The following PDGFD variants were observed in gnomAD, a reference collection of about 807,000 sequenced individuals.
PDGFD encodes the protein platelet derived growth factor D.
A neutral mutation model predicts 44.7 loss-of-function variants in PDGFD; 30 were observed. The ratio of observed to expected loss-of-function variants is 0.67; its 90% CI spans 0.50 to 0.91. PDGFD has a LOEUF of 0.91. Ranked by LOEUF, PDGFD falls within the 40% of genes least tolerant of loss-of-function variation. The pLI, the probability that PDGFD is intolerant of heterozygous loss-of-function variation, is 0.00. For synonymous variants in PDGFD, 173 were observed against 168.4 expected (o/e 1.03, Z -0.21); for missense variants, 445 against 457.8 (o/e 0.97, Z 0.25).
At position 104,013,667 on chromosome 11, in the gene PDGFD, G is replaced by C. The variant is rs1043573718; in HGVS notation, c.125-13412C>G. ...GAACTGCAAACTGATGAACAGTTTA[G>C]TAGTGACTACTTCAATGGCATACTT... On this transcript the variant is annotated intron_variant, in intron 1 of 6. Coordinates refer to ENST00000393158, the MANE Select transcript of PDGFD (RefSeq NM_025208.5). Among the ~76,000 whole-genome samples, 25 of 152,088 alleles carry C rather than the reference G, an allele frequency of 1.6e-4. 1 individual carries two copies. Among genetic ancestry groups the C allele is most frequent in the African/African-American group, 4.8e-4 (20 of 41,420 alleles).
At chr11:103,921,385 T>C (rs1013137109) in intron 6 of PDGFD, among the ~76,000 whole-genome samples, 6 of 152,214 alleles carry the variant, frequency 3.9e-5, no homozygotes, top group Admixed American at 3.3e-4. Context: ...TTAGGTACTT[T>C]TTTTTCAATA....
intron 3 of PDGFD, among the ~76,000 whole-genome samples, chr11:103,988,444 C>T (rs1307958636): frequency 1.3e-5 from 2 of 151,920 alleles, no homozygotes; most frequent in Non-Finnish European, 2.9e-5. Flanking sequence ...GATCAGCAAC[C>T]AGGGTTTATG....
At chr11:104,009,640 A>G (rs1474923834) in intron 1 of PDGFD, among the ~76,000 whole-genome samples, 2 of 152,116 alleles carry the variant, frequency 1.3e-5, no homozygotes, top group Non-Finnish European at 2.9e-5. Context: ...GGAAGTCCTA[A>G]CTTAAAAATG....
intron 3 of PDGFD, among the ~76,000 whole-genome samples, chr11:103,951,826 T>C (rs1286977432): frequency 6.6e-6 from 1 of 152,248 alleles, no homozygotes; most frequent in East Asian, 1.9e-4. Flanking sequence ...CTTAATTTTC[T>C]TTAAAGCATT....
chr11:104,095,194 A>C (rs1861266189), intron 1 of PDGFD, among the ~76,000 whole-genome samples: 1 of 152,088 alleles, frequency 6.6e-6, no homozygotes, highest in African/African-American at 2.4e-5. Context: ...TCCCTTATTG[A>C]AATATATTTA....
In PDGFD at chr11:104,023,134, T is replaced by G. The variant is rs993528572; in HGVS notation, c.125-22879A>C. 3.9e-5 allele frequency among the ~76,000 whole-genome samples: 6 copies of G among 152,128 alleles called. No individual in the cohort carries two copies. The East Asian group carries it at 5.8e-4, about 15-fold the overall frequency. On this transcript the variant is annotated intron_variant, in intron 1 of 6. Coordinates refer to ENST00000393158, the MANE Select transcript of PDGFD (RefSeq NM_025208.5). Reference sequence around the variant, plus strand: ...CACTTTTTATAGCTTTGTATATAATTAAAAATCTGCTATAACTATGACCTT... The same window carrying G: ...CACTTTTTATAGCTTTGTATATAATGAAAAATCTGCTATAACTATGACCTT...
At chr11:104,004,872 CTT>C (rs33979812) in intron 1 of PDGFD, among the ~76,000 whole-genome samples, 3 of 71,894 alleles carry the variant, frequency 4.2e-5, no homozygotes, top group African/African-American at 5.6e-5. Flanking sequence ...TTATTACCAC[CTT>C]TTTTTTTTTT....
chr11:104,119,154 AT>A (rs1302522349), intron 1 of PDGFD, among the ~76,000 whole-genome samples: 1 of 25,904 alleles, frequency 3.9e-5, no homozygotes, highest in African/African-American at 1.4e-4. Flanking sequence ...AATATAATAT[AT>A]TGATATAACA....
chr11:104,038,029 T>A, intron 1 of PDGFD: 1 of 1,598,640 alleles, frequency 6.3e-7, no homozygotes, highest in Non-Finnish European at 8.6e-7. Context: ...GTTATAAATA[T>A]GTTACCACCT....
intron 1 of PDGFD, among the ~76,000 whole-genome samples, chr11:104,162,790 A>G (rs547568829): frequency 6.6e-6 from 1 of 152,204 alleles, no homozygotes; most frequent in Non-Finnish European, 1.5e-5. Context: ...GAAACTGTGA[A>G]GCCATCAACA....
chr11:103,994,319 A>G (rs531526681), intron 3 of PDGFD, among the ~76,000 whole-genome samples: 6 of 152,328 alleles, frequency 3.9e-5, no homozygotes, highest in South Asian at 4.1e-4. Flanking sequence ...TGCTCCATCC[A>G]TGAATAATTG....
At chr11:104,106,932 T>A (rs549564392) in intron 1 of PDGFD, among the ~76,000 whole-genome samples, 19 of 151,888 alleles carry the variant, frequency 1.3e-4, no homozygotes, top group African/African-American at 4.1e-4. Flanking sequence ...TTAGTAGAGA[T>A]GGGGGTTTCA....
At chr11:104,135,489 C>G (rs1040022134) in intron 1 of PDGFD, among the ~76,000 whole-genome samples, 14 of 152,142 alleles carry the variant, frequency 9.2e-5, no homozygotes, top group Non-Finnish European at 1.5e-4. Context: ...TGTGACTTAG[C>G]ACGCCAGAAG....
At chr11:104,100,602 G>C (rs575746237) in intron 1 of PDGFD, among the ~76,000 whole-genome samples, 1 of 152,218 alleles carries the variant, frequency 6.6e-6, no homozygotes, top group African/African-American at 2.4e-5. Context: ...CATTATATGA[G>C]GCCAGCATCA....
At chr11:104,126,618 G>C (rs535904293) in intron 1 of PDGFD, among the ~76,000 whole-genome samples, 8 of 152,150 alleles carry the variant, frequency 5.3e-5, no homozygotes, top group Admixed American at 4.6e-4. Context: ...AGGAGATTAA[G>C]GTCTAGTAAG....
At chr11:104,125,005 C>T (rs1383176448) in intron 1 of PDGFD, among the ~76,000 whole-genome samples, 1 of 152,066 alleles carries the variant, frequency 6.6e-6, no homozygotes, top group Non-Finnish European at 1.5e-5. Flanking sequence ...TCTGATAATG[C>T]CCATCTTTAT....
At chr11:104,058,876 GAC>G (rs1323194293) in intron 1 of PDGFD, among the ~76,000 whole-genome samples, 1 of 152,134 alleles carries the variant, frequency 6.6e-6, no homozygotes, top group East Asian at 1.9e-4. Flanking sequence ...AAAGAAGCGA[GAC>G]ACACAAGGCT....
chr11:103,937,698 C>CCCCCTT (rs1858513909), intron 5 of PDGFD, among the ~76,000 whole-genome samples: 1 of 102,898 alleles, frequency 9.7e-6, no homozygotes. Context: ...TGCTATCCCT[C>CCCCCTT]CCCCCTCCCC....
intron 1 of PDGFD, among the ~76,000 whole-genome samples, chr11:104,089,991 C>T (rs1186189269): frequency 1.3e-5 from 2 of 151,996 alleles, no homozygotes; most frequent in Non-Finnish European, 2.9e-5. Flanking sequence ...TCTCTCCTAC[C>T]CCTATCAATT....
Sources: gnomAD v4.1 joint callset for allele counts (sites outside exome capture counted in the v4.1 genomes callset) on GRCh38, gnomAD v4.1.1 for gene constraint, MANE v1.5 for transcripts, NCBI Gene and HGNC (gene_info 2026-07-23, HGNC 2026-07-21) for gene names.